The following DGAT1 variants were observed in gnomAD, a reference collection of about 807,000 sequenced individuals.
DGAT1 encodes the protein ACAT related gene product 1.
In DGAT1, 60 loss-of-function variants were observed where a neutral mutation model predicts 72.6. The ratio of observed to expected loss-of-function variants is 0.83; its 90% CI spans 0.67 to 1.02. The LOEUF is 1.02. Among genes scored for constraint, DGAT1 ranks in the 50% least tolerant of loss-of-function variants. The pLI, the probability that DGAT1 is intolerant of heterozygous loss-of-function variation, is 0.00. For missense variants in DGAT1, 592 were observed against 670.0 expected (o/e 0.88, Z 1.29); for synonymous variants, 290 against 267.5 (o/e 1.08, Z -0.82).
Position 144,320,461 on chromosome 8 carries a change from G to A in DGAT1, c.288+860C>T, listed in dbSNP as rs551837377. 6.8e-4 allele frequency among the ~76,000 whole-genome samples: 104 copies of A among 152,304 alleles called. 2 individuals carry two copies. In the South Asian group the frequency reaches 0.021, roughly 31 times the overall value. ...TAGGACCATGGGCGGTGGGGGATGT[G>A]GATGTGCGTGGAGCCCCTTCCACGT... On this transcript the variant is annotated intron_variant, in intron 2 of 16. Transcript: ENST00000528718.
Position 144,326,637 on chromosome 8 carries a change from G to A in DGAT1, c.-1C>T. ...GCCGGGAGCTGCCGCGGTCGCCCAT[G>A]GCCTCAGCCCGCACCCGGCCGCAGC... On this transcript the variant is annotated 5_prime_UTR_variant, in exon 1 of 17. Transcript: ENST00000528718. 1 of 1,200,562 alleles carries A rather than the reference G, an allele frequency of 8.3e-7. No individual in the cohort carries two copies. The highest frequency in any genetic ancestry group is 1.0e-6 in the Non-Finnish European group (1 of 966,894). The allele number at this position is 1,200,562 out of a possible 1,614,324, so 74.4% of individuals were successfully genotyped here.
At position 144,316,846 on chromosome 8, in the gene DGAT1, C is replaced by T; in HGVS notation, c.1311+7G>A. ...GCGAGTGAGGAGGCCACGTGGGGGT[C>T]ACTCACCTGAGCCATCATGCCCGTG... On this transcript the variant is annotated splice_region_variant and intron_variant, in intron 16 of 16. Coordinates refer to ENST00000528718, the MANE Select transcript of DGAT1 (RefSeq NM_012079.6). The T allele has an allele frequency of 6.2e-7, 1 of 1,608,400 alleles. No homozygotes were observed. Among genetic ancestry groups the T allele is most frequent in the East Asian group, 2.2e-5 (1 of 44,714 alleles).
Position 144,314,800 on chromosome 8 carries a change from G to A in DGAT1, c.*1754C>T, listed in dbSNP as rs1379879187. On this transcript the variant is annotated 3_prime_UTR_variant, in exon 17 of 17. Coordinates refer to ENST00000528718, the MANE Select transcript of DGAT1 (RefSeq NM_012079.6). ...ATGAGGAGGGGCCCAGGGCACAGAA[G>A]GGCCGGGCTGCAGTGGCCTCCTGGG... 31 of 628,340 alleles carry A rather than the reference G, an allele frequency of 4.9e-5. No individual in the cohort carries two copies. The highest frequency in any genetic ancestry group is 5.6e-5 in the Non-Finnish European group (28 of 500,348). The allele number at this position is 628,340 out of a possible 1,614,324, so 38.9% of individuals were successfully genotyped here.
rs1554846828 is a variant in DGAT1, at chr8:144,315,639, G to A, written c.*915C>T. ...CCAGCTTGGTGGATTGCAGGGCCTG[G>A]GAACAAGGTGTCCTGAAGGCTGCAG... On this transcript the variant is annotated 3_prime_UTR_variant, in exon 17 of 17. Transcript: ENST00000528718. 6.1e-6 allele frequency: 6 copies of A among 983,834 alleles called. No individual in the cohort carries two copies. The highest frequency in any genetic ancestry group is 7.2e-6 in the Non-Finnish European group (6 of 828,580). 60.9% of individuals were successfully genotyped at this position (983,834 alleles called of 1,614,324 possible). A position where few individuals can be genotyped will look rare whatever the true frequency, so the allele number is the denominator to read the frequency against.
rs781984305 is a variant in DGAT1, at chr8:144,317,053, CCT to C, written c.1215_1216del (p.Phe408ProfsTer74). The C allele has an allele frequency of 1.1e-5, 18 of 1,612,750 alleles. No individual in the cohort carries two copies. The highest frequency in any genetic ancestry group is 4.5e-5 in the East Asian group (2 of 44,882). ...GAAGAAGGCCGAGGCCAGGAACACC[CCT>C]GTCCTGGCCATCCACTTGCTGCTGC... On this transcript the variant is annotated frameshift_variant, in exon 15 of 17. Coordinates refer to ENST00000528718, the MANE Select transcript of DGAT1 (RefSeq NM_012079.6). LOFTEE classifies it high-confidence loss of function.
intron 1 of DGAT1, among the ~76,000 whole-genome samples, chr8:144,322,744 G>T (rs1554848326): frequency 1.3e-5 from 2 of 152,162 alleles, no homozygotes; most frequent in African/African-American, 4.8e-5. Flanking sequence ...GGAACACAGG[G>T]GCAGGCAGCT....
chr8:144,316,984 G>A (rs1334696477), intron 15 of DGAT1, 38 bp downstream of exon 15: 5 of 1,611,204 alleles, frequency 3.1e-6, no homozygotes, highest in Non-Finnish European at 4.2e-6. Flanking sequence ...GCATACCCCT[G>A]CCCAGGGATG....
Position 144,317,327 on chromosome 8 carries a change from ACT to A in DGAT1, c.1094+4_1094+5del, listed in dbSNP as rs1564630722. On this transcript the variant is annotated splice_donor_5th_base_variant and intron_variant, in intron 13 of 16. Coordinates refer to ENST00000528718, the MANE Select transcript of DGAT1 (RefSeq NM_012079.6). ...CAGCCCCCAGGGACACCCCAGGGAC[ACT>A]CACCACCAGTCCCGGTAGAACTCCC... The A allele has an allele frequency of 1.2e-6, 2 of 1,613,400 alleles. No individual in the cohort carries two copies. Among genetic ancestry groups the A allele is most frequent in the South Asian group, 2.2e-5 (2 of 91,074 alleles).
rs1202266108 is a variant in DGAT1, at chr8:144,316,474, G to C, written c.*80C>G. ...TGCTGTGCAGCCAGGCCCATCCCCA[G>C]CACTCGAGGCCTAGGAGGAGAGGTG... On this transcript the variant is annotated 3_prime_UTR_variant, in exon 17 of 17. Transcript: ENST00000528718. The C allele has an allele frequency of 1.7e-5, 25 of 1,473,916 alleles. No individual in the cohort carries two copies. The highest frequency in any genetic ancestry group is 2.3e-5 in the Non-Finnish European group (25 of 1,104,496). The allele number at this position is 1,473,916 out of a possible 1,614,324, so 91.3% of individuals were successfully genotyped here.
At chr8:144,319,865 G>T (rs1817395939) in intron 2 of DGAT1, among the ~76,000 whole-genome samples, 1 of 152,228 alleles carries the variant, frequency 6.6e-6, no homozygotes, top group Non-Finnish European at 1.5e-5. Context: ...ACCACCCGGA[G>T]CTCGGGCCTC....
intron 2 of DGAT1, among the ~76,000 whole-genome samples, chr8:144,320,368 T>A (rs1817414292): frequency 6.6e-6 from 1 of 152,216 alleles, no homozygotes; most frequent in Non-Finnish European, 1.5e-5. Context: ...ACTGTCCTCC[T>A]GCCTGGCCAG....
In DGAT1 at chr8:144,317,435, T is replaced by C. The variant is rs1554847296; in HGVS notation, c.992A>G (p.His331Arg). 6.2e-7 allele frequency: 1 copy of C among 1,613,682 alleles called. No individual in the cohort carries two copies. Among genetic ancestry groups the C allele is most frequent in the African/African-American group, 1.3e-5 (1 of 74,956 alleles). ...GTAGAAGAAGATGAGCCAGATGAGG[T>C]GATTGGGGACCTGGCAGGGAGGTGG... ...ERLLKLAVPN[H>R]LIWLIFFYWL... is the part of the protein sequence containing the mutation. Residue 331 changes from histidine (H) to arginine (R), a missense_variant, in exon 13 of 17, where the codon CAC becomes CGC. Coordinates refer to ENST00000528718, the MANE Select transcript of DGAT1 (RefSeq NM_012079.6).
Position 144,318,317 on chromosome 8 carries a change from T to C in DGAT1, c.620A>G (p.Lys207Arg). ...ALMAHTILFL[K>R]LFSYRDVNSW... ...GTTGACGTCGCGGTAGGAGAAGAGC[T>C]TGAGGAAGAGGATGGTGTGCGCCAT... Residue 207 changes from lysine to arginine, a missense_variant, in exon 7 of 17, where the codon AAG becomes AGG. By Grantham distance (26) the Lys-to-Arg change is conservative (BLOSUM62 2). Coordinates refer to ENST00000528718, the MANE Select transcript of DGAT1 (RefSeq NM_012079.6). The C allele has an allele frequency of 6.2e-7, 1 of 1,612,644 alleles. No homozygotes were observed. The highest frequency in any genetic ancestry group is 8.5e-7 in the Non-Finnish European group (1 of 1,179,788).
rs1340395609 is a variant in DGAT1, at chr8:144,317,562, C to T, written c.963G>A (p.Glu321=). ...CACTCACCGCCAGCTTCAGGAGGCG[C>T]TCGATGATGCGTGAGTAGTCCATGT... ...FKDMDYSRII[E]RLLKLAVPNH... The change falls in exon 12 of 17, where the codon GAG becomes GAA. Residue 321 remains glutamate, a synonymous_variant. Coordinates refer to ENST00000528718, the MANE Select transcript of DGAT1 (RefSeq NM_012079.6). 3 of 1,613,780 alleles carry T rather than the reference C, an allele frequency of 1.9e-6. No homozygotes were observed. Among genetic ancestry groups the T allele is most frequent in the East Asian group, 4.5e-5 (2 of 44,898 alleles).
Position 144,315,064 on chromosome 8 carries a change from G to C in DGAT1, c.*1490C>G. ...CACCCTGTGTAGGCACGGGGAACGG[G>C]AGCCTGTCCCGTAGCTTTAGGGTTC... is the stretch of plus-strand genomic sequence containing the variant. On this transcript the variant is annotated 3_prime_UTR_variant, in exon 17 of 17. Coordinates refer to ENST00000528718, the MANE Select transcript of DGAT1 (RefSeq NM_012079.6). 1.0e-6 allele frequency: 1 copy of C among 985,426 alleles called. No individual in the cohort carries two copies. The highest frequency in any genetic ancestry group is 1.2e-6 in the Non-Finnish European group (1 of 829,986). 61.0% of individuals were successfully genotyped at this position (985,426 alleles called of 1,614,324 possible). A position where few individuals can be genotyped will look rare whatever the true frequency, so the allele number is the denominator to read the frequency against.
At position 144,316,307 on chromosome 8, in the gene DGAT1, T is replaced by C. The variant is rs782709598; in HGVS notation, c.*247A>G. 1.8e-5 allele frequency: 10 copies of C among 541,738 alleles called. No homozygotes were observed. Among genetic ancestry groups the C allele is most frequent in the Non-Finnish European group, 3.2e-5 (10 of 309,022 alleles). The allele number at this position is 541,738 out of a possible 1,614,324, so 33.6% of individuals were successfully genotyped here. On this transcript the variant is annotated 3_prime_UTR_variant, in exon 17 of 17. Coordinates refer to ENST00000528718, the MANE Select transcript of DGAT1 (RefSeq NM_012079.6). ...CTGAAGAGGTCACTGGACAGCACTT[T>C]ATTGACACCCTCGGACCCGGGGCAG...
Position 144,318,623 on chromosome 8 carries a change from C to A in DGAT1, c.469-57G>T, listed in dbSNP as rs1554847697. 4.4e-6 allele frequency: 7 copies of A among 1,604,688 alleles called. No individual in the cohort carries two copies. In the African/African-American group the frequency reaches 9.4e-5, roughly 21 times the overall value. On this transcript the variant is annotated intron_variant, in intron 5 of 16. Coordinates refer to ENST00000528718, the MANE Select transcript of DGAT1 (RefSeq NM_012079.6). Reference sequence around the variant, plus strand: ...CTCCCATTGCCTGGGAGAGGGCTGCCAGGCCTGGGGAGCAGCTCCTCCCAG... The same window carrying A: ...CTCCCATTGCCTGGGAGAGGGCTGCAAGGCCTGGGGAGCAGCTCCTCCCAG...
At chr8:144,325,028 T>C (rs548453720) in intron 1 of DGAT1, among the ~76,000 whole-genome samples, 110 of 151,924 alleles carry the variant, frequency 7.2e-4, no homozygotes, top group Non-Finnish European at 1.4e-3. Flanking sequence ...TGTGCCATTT[T>C]ACTCCAGCCT....
In DGAT1 at chr8:144,315,368, C is replaced by G. The variant is rs1364573474; in HGVS notation, c.*1186G>C. 10 of 985,454 alleles carry G rather than the reference C, an allele frequency of 1.0e-5. No individual in the cohort carries two copies. The Admixed American group carries it at 3.1e-4, about 30-fold the overall frequency. The allele number at this position is 985,454 out of a possible 1,614,324, so 61.0% of individuals were successfully genotyped here. Reference sequence around the variant, plus strand: ...TAGAGGGAGGATACCACCAAGGGAGCCCACCCTCCCCTCACACCACCAGTT... The same window carrying G: ...TAGAGGGAGGATACCACCAAGGGAGGCCACCCTCCCCTCACACCACCAGTT... On this transcript the variant is annotated 3_prime_UTR_variant, in exon 17 of 17. Transcript: ENST00000528718.
Sources: allele counts gnomAD v4.1 joint callset (sites outside exome capture counted in the v4.1 genomes callset), GRCh38; gene constraint gnomAD v4.1.1; transcripts MANE v1.5; gene names NCBI Gene and HGNC (gene_info 2026-07-23, HGNC 2026-07-21).